MTMR7: variants seen among roughly 807,000 people sequenced by gnomAD.
MTMR7 encodes the protein myotubularin related protein 7.
A neutral mutation model predicts 81.2 loss-of-function variants in MTMR7; 76 were observed. The observed-to-expected ratio is 0.94, with a 90% CI of 0.78 to 1.13. The LOEUF is 1.13. Ranked by LOEUF, MTMR7 falls within the 50% of genes most tolerant of loss-of-function variation. MTMR7 has a pLI of 0.00. For missense variants in MTMR7, 1,044 were observed against 820.0 expected (o/e 1.27, Z -3.34); for synonymous variants, 372 against 289.8 (o/e 1.28, Z -2.88).
intron 1 of MTMR7, among the ~76,000 whole-genome samples, chr8:17,393,300 GTGTAAATCTC>G (rs1821157197): frequency 6.6e-6 from 1 of 152,160 alleles, no homozygotes; most frequent in Non-Finnish European, 1.5e-5. Context: ...GACCTAAACA[GTGTAAATCTC>G]TGTGACCTTG....
intron 3 of MTMR7, among the ~76,000 whole-genome samples, chr8:17,365,219 A>G (rs1005251697): frequency 6.6e-6 from 1 of 152,138 alleles, no homozygotes; most frequent in African/African-American, 2.4e-5. Context: ...TCTTCTTTTG[A>G]GTAATGTCTC....
rs1220024987 is a variant in MTMR7, at chr8:17,298,183, T to C, written c.*1679A>G. 6.6e-6 allele frequency: 1 copy of C among 152,092 alleles called. No homozygotes were observed. The highest frequency in any genetic ancestry group is 2.4e-5 in the African/African-American group (1 of 41,460). 9.4% of individuals were successfully genotyped at this position (152,092 alleles called of 1,614,324 possible). A position where few individuals can be genotyped will look rare whatever the true frequency, so the allele number is the denominator to read the frequency against. On this transcript the variant is annotated 3_prime_UTR_variant, in exon 14 of 14. Transcript: ENST00000180173. ...AGTGAGTTATGTTATGTTATAAAAA[T>C]GTGAAAGCCATTACCACTATATCCT...
intron 3 of MTMR7, among the ~76,000 whole-genome samples, chr8:17,370,703 G>T (rs568472732): frequency 2.6e-4 from 40 of 151,982 alleles, no homozygotes; most frequent in African/African-American, 9.2e-4. Context: ...TTCTGTCACT[G>T]GCCCCATTCA....
chr8:17,361,341 A>G (rs1820053858), intron 3 of MTMR7, 67 bp from the exon 4 acceptor site: 1 of 1,580,400 alleles, frequency 6.3e-7, no homozygotes, highest in African/African-American at 1.3e-5. Context: ...CTCCCCGAAA[A>G]CATTCTGTCC....
At position 17,331,021 on chromosome 8, in the gene MTMR7, T is replaced by C. The variant is rs1420881710; in HGVS notation, c.865+129A>G. The C allele has an allele frequency of 6.2e-6, 7 of 1,126,298 alleles. No homozygotes were observed. In the African/African-American group the frequency reaches 7.9e-5, roughly 13 times the overall value. 69.8% of individuals were successfully genotyped at this position (1,126,298 alleles called of 1,614,324 possible). ...CGTTCTTAAGTGTTTAAAAAGCCACTGTAACATGATATTCTTCCCAAATTA... is the reference window on the plus strand; with the variant it reads ...CGTTCTTAAGTGTTTAAAAAGCCACCGTAACATGATATTCTTCCCAAATTA... On this transcript the variant is annotated intron_variant, in intron 7 of 13. Coordinates refer to ENST00000180173, the MANE Select transcript of MTMR7 (RefSeq NM_004686.5).
At chr8:17,391,933 G>C (rs1013445138) in intron 1 of MTMR7, among the ~76,000 whole-genome samples, 4 of 152,172 alleles carry the variant, frequency 2.6e-5, no homozygotes, top group African/African-American at 9.7e-5. Context: ...TTTACTCCCA[G>C]AGGCTTCAAC....
chr8:17,367,991 A>G (rs183215689), intron 3 of MTMR7, among the ~76,000 whole-genome samples: 86 of 151,928 alleles, frequency 5.7e-4, no homozygotes, highest in Admixed American at 2.0e-3. Flanking sequence ...CTTCTTATGT[A>G]AAAAACAACT....
chr8:17,349,210 C>G (rs1819653558), intron 4 of MTMR7, 129 bp from the exon 5 acceptor site: 4 of 1,141,998 alleles, frequency 3.5e-6, no homozygotes, highest in Non-Finnish European at 4.9e-6. Flanking sequence ...ACAGAGGAGG[C>G]TATTTCGAGG....
chr8:17,376,691 C>T (rs1047458137), intron 1 of MTMR7, among the ~76,000 whole-genome samples: 1 of 152,122 alleles, frequency 6.6e-6, no homozygotes, highest in African/African-American at 2.4e-5. Flanking sequence ...CAATATTGAG[C>T]ATCTCTTTAT....
chr8:17,306,053 CTAAA>C (rs1220848712), intron 10 of MTMR7, 96 bp from the exon 11 acceptor site: 30 of 901,874 alleles, frequency 3.3e-5, no homozygotes, highest in Non-Finnish European at 4.3e-5. Flanking sequence ...ACCCTAGTTC[CTAAA>C]TAAATCTTAT....
At chr8:17,366,358 G>C (rs1223487827) in intron 3 of MTMR7, among the ~76,000 whole-genome samples, 1 of 152,066 alleles carries the variant, frequency 6.6e-6, no homozygotes, top group Non-Finnish European at 1.5e-5. Context: ...TCTCATTACA[G>C]ACTAACTGGG....
intron 4 of MTMR7, among the ~76,000 whole-genome samples, chr8:17,357,203 A>C (rs2150554093): frequency 6.6e-6 from 1 of 152,364 alleles, no homozygotes; most frequent in East Asian, 1.9e-4. Context: ...TCTATGCCTT[A>C]GACAATTACT....
At chr8:17,382,346 C>G (rs920726007) in intron 1 of MTMR7, among the ~76,000 whole-genome samples, 5 of 152,194 alleles carry the variant, frequency 3.3e-5, no homozygotes, top group African/African-American at 1.2e-4. Flanking sequence ...TTTCCAGATT[C>G]CTTCCCCATC....
chr8:17,335,463 A>G (rs957927865), intron 6 of MTMR7, among the ~76,000 whole-genome samples: 5 of 152,218 alleles, frequency 3.3e-5, no homozygotes, highest in African/African-American at 1.2e-4. Context: ...ATCAGGTTAA[A>G]GGTCAGCCTG....
intron 4 of MTMR7, among the ~76,000 whole-genome samples, chr8:17,352,534 G>C (rs985144606): frequency 6.6e-6 from 1 of 152,122 alleles, no homozygotes; most frequent in East Asian, 1.9e-4. Context: ...TATGACATTG[G>C]AGTTGGCACT....
At chr8:17,393,231 C>G (rs559679685) in intron 1 of MTMR7, among the ~76,000 whole-genome samples, 7 of 152,114 alleles carry the variant, frequency 4.6e-5, no homozygotes, top group Non-Finnish European at 8.8e-5. Flanking sequence ...ACATGCAAAA[C>G]AATGCATTTG....
chr8:17,377,795 G>A (rs1820633593), intron 1 of MTMR7, among the ~76,000 whole-genome samples: 1 of 151,952 alleles, frequency 6.6e-6, no homozygotes, highest in African/African-American at 2.4e-5. Context: ...AAGTTTTTAA[G>A]GGAAGCATTT....
chr8:17,374,796 G>A (rs930938518), intron 1 of MTMR7, among the ~76,000 whole-genome samples: 3 of 151,198 alleles, frequency 2.0e-5, no homozygotes, highest in African/African-American at 7.3e-5. Context: ...CTGGGTGACA[G>A]AGTGAGACTC....
At position 17,348,974 on chromosome 8, in the gene MTMR7, A is replaced by C. The variant is rs1819644132; in HGVS notation, c.576T>G (p.Ser192=). 1 of 1,613,676 alleles carries C rather than the reference A, an allele frequency of 6.2e-7. No individual in the cohort carries two copies. The highest frequency in any genetic ancestry group is 1.3e-5 in the African/African-American group (1 of 74,736). The change falls in exon 5 of 14, where the codon TCT becomes TCG. Residue 192 remains serine (S), a synonymous_variant. Coordinates refer to ENST00000180173, the MANE Select transcript of MTMR7 (RefSeq NM_004686.5). ...TTACGTGGTTATCTTTATAATAGTA[A>C]GAAAGGACAGGAAATCGCCGTCTAC... ...FRSRRRFPVL[S]YYYKDNHASI... is the part of the protein sequence containing the mutation.
Sources: gnomAD v4.1 joint callset for allele counts (sites outside exome capture counted in the v4.1 genomes callset) on GRCh38, gnomAD v4.1.1 for gene constraint, MANE v1.5 for transcripts, NCBI Gene and HGNC (gene_info 2026-07-23, HGNC 2026-07-21) for gene names.